Variants in TTC28 observed in about 807,000 individuals in gnomAD.
TTC28 encodes the protein tetratricopeptide repeat protein 28.
In TTC28, 61 loss-of-function variants were observed where a neutral mutation model predicts 198.0. The observed-to-expected ratio is 0.31, with a 90% CI of 0.25 to 0.38. The LOEUF is 0.38. TTC28 is among the 10% of genes least tolerant of loss of function. The pLI is 1.00. For synonymous variants in TTC28, 1,171 were observed against 1,297.8 expected, an observed-to-expected ratio of 0.90 and a Z score of 2.10; for missense variants, 2,678 against 3,164.0, an observed-to-expected ratio of 0.85 and a Z score of 3.69.
At chr22:28,441,197 C>T (rs946812899) in intron 2 of TTC28, among the ~76,000 whole-genome samples, 3 of 152,180 alleles carry the variant, frequency 2.0e-5, no homozygotes, top group African/African-American at 7.2e-5. Context: ...GGGGTTTCCA[C>T]AGACATAACC....
In TTC28 at chr22:28,360,443, T is replaced by C. The variant is rs184710196; in HGVS notation, c.382-53800A>G. Among the ~76,000 whole-genome samples the C allele has an allele frequency of 2.6e-4, 40 of 152,348 alleles. 1 individual carries two copies. The East Asian group carries it at 2.9e-3, about 11-fold the overall frequency. On this transcript the variant is annotated intron_variant, in intron 2 of 22. Coordinates refer to ENST00000397906, the MANE Select transcript of TTC28 (RefSeq NM_001145418.2). ...GAATATTATTTTTACACAAATTTAA[T>C]ATTTTATAAAGCTTTAATAAAAGAT...
In TTC28 at chr22:28,133,346, T is replaced by C. The variant is rs1943107398; in HGVS notation, c.1442-24943A>G. Among the ~76,000 whole-genome samples, 8 of 152,126 alleles carry C rather than the reference T, an allele frequency of 5.3e-5. No individual in the cohort carries two copies. In the South Asian group the frequency reaches 1.7e-3, roughly 32 times the overall value. ...TGCATTTCCAACTGAGGTACCAGGT[T>C]CATCTCACTGGGGCTTGTTGGACAG... is the stretch of plus-strand genomic sequence containing the variant. On this transcript the variant is annotated intron_variant, in intron 6 of 22. Coordinates refer to ENST00000397906, the MANE Select transcript of TTC28 (RefSeq NM_001145418.2).
intron 8 of TTC28, among the ~76,000 whole-genome samples, chr22:28,101,929 C>A (rs74595558): frequency 0.012 from 1,810 of 152,142 alleles, 17 homozygotes; most frequent in Non-Finnish European, 0.021. Flanking sequence ...TTCCAGGATG[C>A]CTCGGCAAGA....
chr22:28,648,347 A>C (rs2051509405), intron 1 of TTC28, among the ~76,000 whole-genome samples: 1 of 152,194 alleles, frequency 6.6e-6, no homozygotes, highest in Non-Finnish European at 1.5e-5. Flanking sequence ...AAAACAATAG[A>C]TGTTGACATG....
intron 2 of TTC28, among the ~76,000 whole-genome samples, chr22:28,465,002 C>T (rs1301961878): frequency 6.6e-6 from 1 of 152,126 alleles, no homozygotes; most frequent in South Asian, 2.1e-4. Flanking sequence ...TATAGACTCC[C>T]CCAAAACTTC....
At chr22:28,397,918 T>C (rs1479273839) in intron 2 of TTC28, among the ~76,000 whole-genome samples, 1 of 152,166 alleles carries the variant, frequency 6.6e-6, no homozygotes, top group African/African-American at 2.4e-5. Context: ...GTATCCCAAG[T>C]CTCCAGTAGC....
intron 1 of TTC28, among the ~76,000 whole-genome samples, chr22:28,672,787 G>A (rs919714178): frequency 1.7e-4 from 26 of 152,186 alleles, no homozygotes; most frequent in African/African-American, 6.0e-4. Flanking sequence ...GGGCAAGTAG[G>A]TGTTGTAGTA....
chr22:28,629,013 T>G (rs891621899), intron 2 of TTC28, among the ~76,000 whole-genome samples: 1 of 151,888 alleles, frequency 6.6e-6, no homozygotes, highest in Non-Finnish European at 1.5e-5. Flanking sequence ...GGGGTTAGGT[T>G]AGGAGTATGC....
At chr22:27,987,045 G>A (rs1346380463) in intron 21 of TTC28, among the ~76,000 whole-genome samples, 1 of 152,192 alleles carries the variant, frequency 6.6e-6, no homozygotes, top group Non-Finnish European at 1.5e-5. Flanking sequence ...GCTGAGGACT[G>A]GAAAGGGGGC....
At chr22:28,542,928 C>T (rs549969044) in intron 2 of TTC28, among the ~76,000 whole-genome samples, 3 of 152,166 alleles carry the variant, frequency 2.0e-5, no homozygotes, top group South Asian at 2.1e-4. Context: ...AAAATCAAAA[C>T]GAATTCAACA....
chr22:28,170,220 G>C (rs1359013963), intron 5 of TTC28, among the ~76,000 whole-genome samples: 1 of 152,192 alleles, frequency 6.6e-6, no homozygotes, highest in Non-Finnish European at 1.5e-5. Flanking sequence ...GGGTGCGGTG[G>C]CTCACACCTG....
chr22:28,285,266 T>C (rs756002529), intron 5 of TTC28, among the ~76,000 whole-genome samples: 2 of 152,224 alleles, frequency 1.3e-5, no homozygotes, highest in Non-Finnish European at 2.9e-5. Context: ...TGAAGAACAT[T>C]ATGCTATGTG....
chr22:28,247,029 C>G (rs1388208882), intron 5 of TTC28, among the ~76,000 whole-genome samples: 2 of 152,208 alleles, frequency 1.3e-5, no homozygotes, highest in East Asian at 3.8e-4. Flanking sequence ...AGGGCAAGAT[C>G]TGTCTGACCC....
In TTC28 at chr22:28,145,682, G is replaced by C. The variant is rs1434448312; in HGVS notation, c.1441+17410C>G. On this transcript the variant is annotated intron_variant, in intron 6 of 22. Coordinates refer to ENST00000397906, the MANE Select transcript of TTC28 (RefSeq NM_001145418.2). ...ACCACCTGCAACTTTCAAGGGATCAGAGTATTGTGAAGGATAAGAAATGTT... is the reference window on the plus strand; with the variant it reads ...ACCACCTGCAACTTTCAAGGGATCACAGTATTGTGAAGGATAAGAAATGTT... Among the ~76,000 whole-genome samples the C allele has an allele frequency of 2.0e-5, 3 of 152,200 alleles. No homozygotes were observed. In the South Asian group the frequency reaches 6.2e-4, roughly 32 times the overall value.
chr22:28,632,768 TA>T (rs113714992), intron 1 of TTC28, among the ~76,000 whole-genome samples: 20,490 of 141,588 alleles, frequency 0.14, 1,600 homozygotes, highest in African/African-American at 0.2. Flanking sequence ...TGTAAGTTAT[TA>T]AAAAAAAAAA....
chr22:28,472,528 A>G (rs2048108888), intron 2 of TTC28, among the ~76,000 whole-genome samples: 1 of 149,538 alleles, frequency 6.7e-6, no homozygotes, highest in South Asian at 2.1e-4. Flanking sequence ...TTCTAGATTA[A>G]TTTTTGACAA....
intron 2 of TTC28, among the ~76,000 whole-genome samples, chr22:28,625,833 T>C (rs2051069581): frequency 6.6e-6 from 1 of 152,168 alleles, no homozygotes; most frequent in Non-Finnish European, 1.5e-5. Flanking sequence ...GGTTAAGGCA[T>C]TGAGATATAT....
chr22:28,298,146 G>A (rs1020611450), intron 3 of TTC28, among the ~76,000 whole-genome samples: 11 of 151,926 alleles, frequency 7.2e-5, no homozygotes, highest in Non-Finnish European at 1.5e-4. Flanking sequence ...CCTCTGTCCT[G>A]TTCCCCTCTC....
chr22:28,630,931 T>C (rs1396704249), intron 1 of TTC28, among the ~76,000 whole-genome samples: 2 of 152,208 alleles, frequency 1.3e-5, no homozygotes, highest in Non-Finnish European at 2.9e-5. Context: ...CACTATAATC[T>C]CAACTATGTT....
Sources: allele counts gnomAD v4.1 joint callset (sites outside exome capture counted in the v4.1 genomes callset), GRCh38; gene constraint gnomAD v4.1.1; transcripts MANE v1.5; gene names NCBI Gene and HGNC (gene_info 2026-07-23, HGNC 2026-07-21).